NEFH: variants seen among roughly 807,000 people sequenced by gnomAD.
NEFH encodes the protein neurofilament heavy chain, also known as neurofilament heavy polypeptide.
Under a neutral mutation model 56.6 loss-of-function variants are expected in NEFH, and 58 were observed. The ratio of observed to expected loss-of-function variants is 1.03; its 90% CI spans 0.83 to 1.28. The LOEUF is 1.28. Ranked by LOEUF, NEFH falls within the 50% of genes most tolerant of loss-of-function variation. The pLI is 0.00. For synonymous variants in NEFH, 542 were observed against 545.8 expected (o/e 0.99, Z 0.10); for missense variants, 1,221 against 1,307.6 (o/e 0.93, Z 1.02).
In NEFH at chr22:29,483,470, G is replaced by A; in HGVS notation, c.979G>A (p.Ala327Thr). The A allele has an allele frequency of 2.5e-6, 4 of 1,614,040 alleles. 1 individual carries two copies. The South Asian group carries it at 4.4e-5, about 18-fold the overall frequency. ...AACTGAGTACCGGCGTCAGCTGCAGGCCAGGACCACAGAGCTGGAGGCACT... is the reference window on the plus strand; with the variant it reads ...AACTGAGTACCGGCGTCAGCTGCAGACCAGGACCACAGAGCTGGAGGCACT... ...EITEYRRQLQ[A>T]RTTELEALKS... The change falls in exon 2 of 4, where the codon GCC becomes ACC. Residue 327 changes from alanine (A) to threonine (T), a missense_variant. Ala to Thr is a moderately conservative substitution (Grantham distance 58, BLOSUM62 0). Around this residue, in one of 4 missense-constraint regions of NEFH, gnomAD observed 640 missense variants for 555.5 expected, o/e 1.15. Transcript: ENST00000310624.
In NEFH at chr22:29,490,664, A is replaced by G. The variant is rs961504712; in HGVS notation, c.3024A>G (p.Pro1008=). ...SSTDQKDSKP[P]EKATEDKAAK... is the part of the protein sequence containing the mutation. ...CAGACCAAAAAGACAGCAAGCCTCC[A>G]GAGAAGGCCACAGAAGACAAGGCCG... is the stretch of plus-strand genomic sequence containing the variant. Residue 1008 remains proline (P), a synonymous_variant, in exon 4 of 4, where the codon CCA becomes CCG. Transcript: ENST00000310624. 2.5e-6 allele frequency: 4 copies of G among 1,614,046 alleles called. No individual in the cohort carries two copies. The African/African-American group carries it at 5.3e-5, about 22-fold the overall frequency.
At position 29,488,898 on chromosome 22, in the gene NEFH, T is replaced by C. The variant is rs761711693; in HGVS notation, c.1258T>C (p.Phe420Leu). 5.0e-6 allele frequency: 8 copies of C among 1,614,080 alleles called. No individual in the cohort carries two copies. The South Asian group carries it at 8.8e-5, about 18-fold the overall frequency. Residue 420 changes from phenylalanine (F) to leucine (L), a missense_variant, in exon 4 of 4, where the codon TTC becomes CTC. This residue lies in a region of NEFH where 243 missense variants were observed against 299.1 expected (regional missense o/e 0.81). Coordinates refer to ENST00000310624, the MANE Select transcript of NEFH (RefSeq NM_021076.4). ...ECRIGFGPIP[F>L]SLPEGLPKIP... ...TCGGATTGGCTTTGGCCCAATTCCT[T>C]TCTCGCTTCCAGAAGGACTCCCCAA... is the stretch of plus-strand genomic sequence containing the variant.
At chr22:29,484,476 C>T (rs1322737293) in intron 2 of NEFH, among the ~76,000 whole-genome samples, 1 of 152,006 alleles carries the variant, frequency 6.6e-6, no homozygotes, top group Non-Finnish European at 1.5e-5. Context: ...CCTGTCTCTA[C>T]TAAAAAGATA....
rs1170229557 is a variant in NEFH at position 29,481,037 on chromosome 22, A to G, written c.775A>G (p.Thr259Ala). Residue 259 changes from threonine (T) to alanine (A), a missense_variant, in exon 1 of 4, where the codon ACG becomes GCG. By Grantham distance (58) the Thr-to-Ala change is moderately conservative (BLOSUM62 0). Transcript: ENST00000310624. Reference protein sequence around the residue: ...GAAQAQMQAETRDALKCDVTS... With the variant: ...GAAQAQMQAEARDALKCDVTS... ...CGCGCAGGCGCAGATGCAGGCCGAG[A>G]CGCGCGACGCCCTGAAGTGCGACGT... 24 of 1,531,348 alleles carry G rather than the reference A, an allele frequency of 1.6e-5. No homozygotes were observed. The highest frequency in any genetic ancestry group is 2.4e-5 in the South Asian group (2 of 83,864). 94.9% of individuals were successfully genotyped at this position (1,531,348 alleles called of 1,614,324 possible). A position where few individuals can be genotyped will look rare whatever the true frequency, so the allele number is the denominator to read the frequency against.
chr22:29,485,264 C>G (rs2240636), intron 2 of NEFH, among the ~76,000 whole-genome samples: 102,234 of 151,976 alleles, frequency 0.67, 34,831 homozygotes, highest in East Asian at 0.87. Flanking sequence ...CACCACATCC[C>G]GCTAATTTTT....
intron 3 of NEFH, among the ~76,000 whole-genome samples, 175 bp downstream of exon 3, chr22:29,486,022 T>C (rs1189356935): frequency 1.3e-5 from 2 of 152,160 alleles, no homozygotes; most frequent in Non-Finnish European, 2.9e-5. Context: ...ATTTCTTTTA[T>C]TTTTTATTTA....
At chr22:29,484,413 G>A (rs1056768608) in intron 2 of NEFH, among the ~76,000 whole-genome samples, 1 of 152,090 alleles carries the variant, frequency 6.6e-6, no homozygotes, top group African/African-American at 2.4e-5. Context: ...GCCAAGGCGG[G>A]TGGATCACTT....
Position 29,481,034 on chromosome 22 carries a change from G to A in NEFH, c.772G>A (p.Glu258Lys), listed in dbSNP as rs1019039034. Reference sequence around the variant, plus strand: ...CGCCGCGCAGGCGCAGATGCAGGCCGAGACGCGCGACGCCCTGAAGTGCGA... The same window carrying A: ...CGCCGCGCAGGCGCAGATGCAGGCCAAGACGCGCGACGCCCTGAAGTGCGA... ...SGAAQAQMQA[E>K]TRDALKCDVT... The change falls in exon 1 of 4, where the codon GAG becomes AAG. Residue 258 changes from glutamate (E) to lysine (K), a missense_variant. Transcript: ENST00000310624. The A allele has an allele frequency of 4.6e-6, 7 of 1,531,312 alleles. No individual in the cohort carries two copies. In the Admixed American group the frequency reaches 9.8e-5, roughly 22 times the overall value. 94.9% of individuals were successfully genotyped at this position (1,531,312 alleles called of 1,614,324 possible).
At position 29,485,864 on chromosome 22, in the gene NEFH, C is replaced by T; in HGVS notation, c.1208+17C>T. On this transcript the variant is annotated intron_variant, in intron 3 of 3. Coordinates refer to ENST00000310624, the MANE Select transcript of NEFH (RefSeq NM_021076.4). ...CGCTTACAGGTGAGACGCACAGGGG[C>T]TGTCACATGGTGAAGAAAGCTTGTG... 2 of 1,614,072 alleles carry T rather than the reference C, an allele frequency of 1.2e-6. No homozygotes were observed. Among genetic ancestry groups the T allele is most frequent in the Non-Finnish European group, 1.7e-6 (2 of 1,179,916 alleles).
At position 29,480,603 on chromosome 22, in the gene NEFH, A is replaced by G. The variant is rs368523917; in HGVS notation, c.341A>G (p.Lys114Arg). The change falls in exon 1 of 4, where the codon AAG becomes AGG. Residue 114 changes from lysine (K) to arginine (R), a missense_variant. Around this residue, in one of 4 missense-constraint regions of NEFH, gnomAD observed 640 missense variants for 555.5 expected, o/e 1.15. Coordinates refer to ENST00000310624, the MANE Select transcript of NEFH (RefSeq NM_021076.4). ...LNDRFAGYIDKVRQLEAHNRS... is the reference protein window; with the variant it reads ...LNDRFAGYIDRVRQLEAHNRS... ...GACCGCTTCGCCGGGTACATCGACA[A>G]GGTGCGGCAGCTGGAGGCGCACAAC... 1 of 1,563,664 alleles carries G rather than the reference A, an allele frequency of 6.4e-7. No homozygotes were observed. The highest frequency in any genetic ancestry group is 2.3e-5 in the East Asian group (1 of 43,328).
chr22:29,488,219 C>T (rs377340059), intron 3 of NEFH, among the ~76,000 whole-genome samples: 206 of 152,216 alleles, frequency 1.4e-3, no homozygotes, highest in African/African-American at 4.2e-3. Context: ...CAAAAATTAA[C>T]TGGACGTGGT....
rs1411536824 is a variant in NEFH, at chr22:29,490,480, A to C, written c.2840A>C (p.Lys947Thr). 32 of 1,589,744 alleles carry C rather than the reference A, an allele frequency of 2.0e-5. No homozygotes were observed. The highest frequency in any genetic ancestry group is 2.7e-5 in the Non-Finnish European group (32 of 1,173,606). Reference sequence around the variant, plus strand: ...AAGGAACCCAGCAAACCAGCAGAGAAGAAGGAGGCAGCACCGGAGAAAAAA... The same window carrying C: ...AAGGAACCCAGCAAACCAGCAGAGACGAAGGAGGCAGCACCGGAGAAAAAA... Reference protein sequence around the residue: ...KAKEPSKPAEKKEAAPEKKDT... With the variant: ...KAKEPSKPAETKEAAPEKKDT... Residue 947 changes from lysine (K) to threonine (T), a missense_variant, in exon 4 of 4, where the codon AAG becomes ACG. This residue lies in a region of NEFH where 301 missense variants were observed against 346.6 expected (regional missense o/e 0.87). Transcript: ENST00000310624.
In NEFH at chr22:29,483,593, G is replaced by T. The variant is rs748054775; in HGVS notation, c.1083+19G>T. 1.2e-6 allele frequency: 2 copies of T among 1,612,258 alleles called. No individual in the cohort carries two copies. Among genetic ancestry groups the T allele is most frequent in the South Asian group, 2.2e-5 (2 of 91,016 alleles). ...CTACCAGGTGGGCAGGGGCAAGGCA[G>T]ACAGCCAGACTGCCTTACCTGATTG... is the stretch of plus-strand genomic sequence containing the variant. On this transcript the variant is annotated intron_variant, in intron 2 of 3. Coordinates refer to ENST00000310624, the MANE Select transcript of NEFH (RefSeq NM_021076.4).
At chr22:29,482,381 T>C (rs2063016841) in intron 1 of NEFH, among the ~76,000 whole-genome samples, 1 of 152,300 alleles carries the variant, frequency 6.6e-6, no homozygotes, top group South Asian at 2.1e-4. Flanking sequence ...ATGTTCACTT[T>C]TACGAGCTAA....
intron 1 of NEFH, among the ~76,000 whole-genome samples, chr22:29,481,498 T>C (rs2063009781): frequency 6.6e-6 from 1 of 152,088 alleles, no homozygotes; most frequent in Non-Finnish European, 1.5e-5. Context: ...GGTGCAGGAT[T>C]CTGGTCTGCA....
rs1329463058 is a variant in NEFH, at chr22:29,480,273, T to C, written c.11T>C (p.Phe4Ser). 6.6e-7 allele frequency: 1 copy of C among 1,510,582 alleles called. No homozygotes were observed. Among genetic ancestry groups the C allele is most frequent in the Non-Finnish European group, 8.8e-7 (1 of 1,138,410 alleles). The allele number at this position is 1,510,582 out of a possible 1,614,324, so 93.6% of individuals were successfully genotyped here. A position where few individuals can be genotyped will look rare whatever the true frequency, so the allele number is the denominator to read the frequency against. MMS[F>S]GGADALLGAP... ...GCACCTGCTCAGGCCATGATGAGCTTCGGCGGCGCGGACGCGCTGCTGGGC... is the reference window on the plus strand; with the variant it reads ...GCACCTGCTCAGGCCATGATGAGCTCCGGCGGCGCGGACGCGCTGCTGGGC... Residue 4 changes from phenylalanine to serine, a missense_variant, in exon 1 of 4, where the codon TTC (phenylalanine) becomes TCC (serine). This residue lies in a region of NEFH where 640 missense variants were observed against 555.5 expected (regional missense o/e 1.15). Coordinates refer to ENST00000310624, the MANE Select transcript of NEFH (RefSeq NM_021076.4).
chr22:29,480,286 C>A lies in NEFH; in HGVS notation c.24C>A (p.Asp8Glu). 6.6e-7 allele frequency: 1 copy of A among 1,509,298 alleles called. No individual in the cohort carries two copies. The highest frequency in any genetic ancestry group is 2.6e-5 in the East Asian group (1 of 38,120). The allele number at this position is 1,509,298 out of a possible 1,614,324, so 93.5% of individuals were successfully genotyped here. A position where few individuals can be genotyped will look rare whatever the true frequency, so the allele number is the denominator to read the frequency against. The stretch of plus-strand genomic sequence containing the variant: ...CCATGATGAGCTTCGGCGGCGCGGA[C>A]GCGCTGCTGGGCGCCCCGTTCGCGC... MMSFGGADALLGAPFAPL... is the reference protein window; with the variant it reads MMSFGGAEALLGAPFAPL... The change falls in exon 1 of 4, where the codon GAC becomes GAA. Residue 8 changes from aspartate (D) to glutamate (E), a missense_variant. This residue lies in a region of NEFH where 640 missense variants were observed against 555.5 expected (regional missense o/e 1.15). Transcript: ENST00000310624.
rs145061116 is a variant in NEFH, at chr22:29,488,961, G to A, written c.1321G>A (p.Glu441Lys). The change falls in exon 4 of 4, where the codon GAA becomes AAA. Residue 441 changes from glutamate (E) to lysine (K), a missense_variant. Transcript: ENST00000310624. ...SVSTHIKVKS[E>K]EKIKVVEKSE... ...GTCCACTCACATAAAGGTGAAAAGC[G>A]AAGAGAAGATCAAAGTGGTGGAGAA... The A allele has an allele frequency of 3.3e-5, 54 of 1,614,056 alleles. No individual in the cohort carries two copies. Among genetic ancestry groups the A allele is most frequent in the Middle Eastern group, 3.3e-4 (2 of 6,084 alleles).
chr22:29,485,400 GC>G (rs2063038628), intron 2 of NEFH, among the ~76,000 whole-genome samples: 1 of 152,178 alleles, frequency 6.6e-6, no homozygotes, highest in Non-Finnish European at 1.5e-5. Context: ...ACCACTCCCG[GC>G]CTCACTGAGC....
Sources: gnomAD v4.1 joint callset for allele counts (sites outside exome capture counted in the v4.1 genomes callset) on GRCh38, gnomAD v4.1.1 for gene constraint, gnomAD v4.1.1 regional missense constraint, MANE v1.5 for transcripts, NCBI Gene and HGNC (gene_info 2026-07-23, HGNC 2026-07-21) for gene names.